Variants in CACUL1 observed in about 807,000 individuals in gnomAD.
CACUL1 encodes CDK2 associated cullin domain 1.
In CACUL1, 13 loss-of-function variants were observed where a neutral mutation model predicts 45.2. The observed-to-expected ratio is 0.29, with a 90% CI of 0.19 to 0.46. The LOEUF (loss-of-function observed/expected upper bound fraction) is 0.46, where lower values mean the gene tolerates loss of function less well. CACUL1 is among the 20% of genes least tolerant of loss of function. CACUL1 has a pLI of 1.00. For synonymous variants in CACUL1, 197 were observed against 174.2 expected, an observed-to-expected ratio of 1.13 and a Z score of -1.03; for missense variants, 421 against 471.4, an observed-to-expected ratio of 0.89 and a Z score of 0.99.
At chr10:118,702,730 T>C (rs1296572649) in intron 4 of CACUL1, among the ~76,000 whole-genome samples, 1 of 151,892 alleles carries the variant, frequency 6.6e-6, no homozygotes, top group African/African-American at 2.4e-5. Context: ...TACAGGCGTA[T>C]ACCACCACAC....
At chr10:118,730,552 A>G (rs911129125) in intron 1 of CACUL1, 142 bp from the exon 2 acceptor site, 16 of 812,338 alleles carry the variant, frequency 2.0e-5, no homozygotes, top group Non-Finnish European at 3.0e-5. Context: ...ATCCTATTTC[A>G]ATTAAAAACA....
chr10:118,736,856 T>C (rs1339869711), intron 1 of CACUL1, among the ~76,000 whole-genome samples: 1 of 152,122 alleles, frequency 6.6e-6, no homozygotes, highest in East Asian at 1.9e-4. Flanking sequence ...TATGTTTAAA[T>C]ACACAAATAC....
At chr10:118,700,716 CAAAAAAAAA>C (rs59032746) in intron 5 of CACUL1, among the ~76,000 whole-genome samples, 83,491 of 133,054 alleles carry the variant, frequency 0.63, 25,007 homozygotes, top group Non-Finnish European at 0.69. Flanking sequence ...GACTCCGTCT[CAAAAAAAAA>C]AAAAAAAAAA....
chr10:118,729,483 T>C lies in CACUL1; in HGVS notation c.495-86A>G, dbSNP rs1003840469. 25 of 866,262 alleles carry C rather than the reference T, an allele frequency of 2.9e-5. No homozygotes were observed. In the African/African-American group the frequency reaches 3.7e-4, roughly 13 times the overall value. The allele number at this position is 866,262 out of a possible 1,614,324, so 53.7% of individuals were successfully genotyped here. A position where few individuals can be genotyped will look rare whatever the true frequency, so the allele number is the denominator to read the frequency against. Reference sequence around the variant, plus strand: ...AAGGTTAAAGCACACTTTTGATATATAACCACTGATCCAATAATTCATACC... The same window carrying C: ...AAGGTTAAAGCACACTTTTGATATACAACCACTGATCCAATAATTCATACC... On this transcript the variant is annotated intron_variant, in intron 2 of 8. Coordinates refer to ENST00000369151, the MANE Select transcript of CACUL1 (RefSeq NM_153810.5).
intron 1 of CACUL1, among the ~76,000 whole-genome samples, chr10:118,736,122 G>A (rs564990892): frequency 2.6e-5 from 4 of 152,110 alleles, no homozygotes; most frequent in Non-Finnish European, 5.9e-5. Flanking sequence ...GCAGCTGAAG[G>A]CCAAGAACAT....
At position 118,691,293 on chromosome 10, in the gene CACUL1, T is replaced by C. The variant is rs746976509; in HGVS notation, c.997A>G (p.Arg333Gly). ...GTAAAACCATTCTGTATAAGTTCTCTTTGAAATTTCTGATCTTGAGCAGCA... is the reference window on the plus strand; with the variant it reads ...GTAAAACCATTCTGTATAAGTTCTCCTTGAAATTTCTGATCTTGAGCAGCA... ...EYAAQDQKFQ[R>G]ELIQNGFTRG... is the part of the protein sequence containing the mutation. Residue 333 changes from arginine to glycine, a missense_variant, in exon 7 of 9, where the codon AGA (arginine) becomes GGA (glycine). Physicochemically the swap from Arg to Gly is moderately radical, Grantham distance 125 (BLOSUM62 -2). Around this residue, in one of 2 missense-constraint regions of CACUL1, gnomAD observed 208 missense variants for 298.4 expected, o/e 0.70. Transcript: ENST00000369151. The C allele has an allele frequency of 1.2e-6, 2 of 1,613,658 alleles. No individual in the cohort carries two copies. The highest frequency in any genetic ancestry group is 3.3e-5 in the Admixed American group (2 of 59,970).
chr10:118,708,147 CAAAAAAAA>C (rs34008762), intron 3 of CACUL1, among the ~76,000 whole-genome samples: 2 of 104,028 alleles, frequency 1.9e-5, no homozygotes. Context: ...AACACTGTCT[CAAAAAAAA>C]AAAAAAAAAA....
chr10:118,730,835 G>A (rs1291916556), intron 1 of CACUL1, among the ~76,000 whole-genome samples: 1 of 152,158 alleles, frequency 6.6e-6, no homozygotes, highest in Non-Finnish European at 1.5e-5. Flanking sequence ...AATCTTTGTA[G>A]ACATCCTCGA....
chr10:118,745,973 C>T (rs2119676830), intron 1 of CACUL1, among the ~76,000 whole-genome samples: 1 of 139,836 alleles, frequency 7.2e-6, no homozygotes, highest in Admixed American at 7.9e-5. Flanking sequence ...CCCATCTCTA[C>T]TAAAAAAAAA....
intron 6 of CACUL1, chr10:118,692,883 G>T (rs1845286047): frequency 6.6e-6 from 1 of 152,160 alleles, no homozygotes; most frequent in Admixed American, 6.5e-5. Context: ...AATGATACAA[G>T]GACCAATCCA....
Position 118,698,886 on chromosome 10 carries a change from T to C in CACUL1, c.796+2420A>G, listed in dbSNP as rs1845349391. The stretch of plus-strand genomic sequence containing the variant: ...ACGGGAAGGAAATTACTGATCAGAT[T>C]GTAGAAAGTTACAGAAATTGAATGT... On this transcript the variant is annotated intron_variant, in intron 5 of 8. Coordinates refer to ENST00000369151, the MANE Select transcript of CACUL1 (RefSeq NM_153810.5). Among the ~76,000 whole-genome samples the C allele has an allele frequency of 4.0e-5, 6 of 150,478 alleles. No individual in the cohort carries two copies. The South Asian group carries it at 1.1e-3, about 27-fold the overall frequency.
In CACUL1 at chr10:118,685,043, C is replaced by T. The variant is rs1456881804; in HGVS notation, c.*1085G>A. 1 of 152,196 alleles carries T rather than the reference C, an allele frequency of 6.6e-6. No individual in the cohort carries two copies. Among genetic ancestry groups the T allele is most frequent in the East Asian group, 1.9e-4 (1 of 5,194 alleles). 9.4% of individuals were successfully genotyped at this position (152,196 alleles called of 1,614,324 possible). On this transcript the variant is annotated 3_prime_UTR_variant, in exon 9 of 9. Coordinates refer to ENST00000369151, the MANE Select transcript of CACUL1 (RefSeq NM_153810.5). The stretch of plus-strand genomic sequence containing the variant: ...TTAGGACAGCAGTGCTACTTCTTCC[C>T]TATCACACTCAAATATAATGTTCAA...
In CACUL1 at chr10:118,680,780, G is replaced by GGTTGCAGAA. The variant is rs1478664821; in HGVS notation, c.*5339_*5347dup. 1 of 152,134 alleles carries GGTTGCAGAA rather than the reference G, an allele frequency of 6.6e-6. No individual in the cohort carries two copies. The highest frequency in any genetic ancestry group is 1.5e-5 in the Non-Finnish European group (1 of 68,022). The allele number at this position is 152,134 out of a possible 1,614,324, so 9.4% of individuals were successfully genotyped here. The stretch of plus-strand genomic sequence containing the variant: ...TTGTTACACACTGTTTTTTAGCACT[G>GGTTGCAGAA]GTTGCAGAAGTCAAGATCAACACTC... On this transcript the variant is annotated 3_prime_UTR_variant, in exon 9 of 9. Transcript: ENST00000369151.
intron 5 of CACUL1, 48 bp from the exon 6 acceptor site, chr10:118,695,278 C>T (rs1198809597): frequency 9.8e-7 from 1 of 1,016,522 alleles, no homozygotes; most frequent in Non-Finnish European, 1.6e-6. Flanking sequence ...TATTGACTGT[C>T]AAGATTTCTC....
chr10:118,688,189 C>G (rs1334140209), intron 7 of CACUL1, among the ~76,000 whole-genome samples: 1 of 152,196 alleles, frequency 6.6e-6, no homozygotes, highest in Non-Finnish European at 1.5e-5. Flanking sequence ...TCTGTAGGCA[C>G]CACATTCAGC....
rs768543177 is a variant in CACUL1, at chr10:118,686,131, T to C, written c.1107A>G (p.Arg369=). The C allele has an allele frequency of 3.7e-6, 6 of 1,611,790 alleles. No homozygotes were observed. In the South Asian group the frequency reaches 5.5e-5, roughly 15 times the overall value. The change falls in exon 9 of 9, where the codon AGA becomes AGG. Residue 369 remains arginine, a synonymous_variant. Coordinates refer to ENST00000369151, the MANE Select transcript of CACUL1 (RefSeq NM_153810.5). ...GAAAGCATATTCAATACATTCACTATCTGTACCCCCTGGAACTTGCACATG... is the reference window on the plus strand; with the variant it reads ...GAAAGCATATTCAATACATTCACTACCTGTACCCCCTGGAACTTGCACATG... ...SSACASSRGY[R]
intron 5 of CACUL1, among the ~76,000 whole-genome samples, chr10:118,698,674 A>C (rs1845347695): frequency 6.6e-6 from 1 of 152,210 alleles, no homozygotes; most frequent in African/African-American, 2.4e-5. Context: ...TCACACTGAA[A>C]GTGCCAGCCC....
At position 118,677,219 on chromosome 10, in the gene CACUL1, A is replaced by C. The variant is rs1034271543; in HGVS notation, c.*8909T>G. On this transcript the variant is annotated 3_prime_UTR_variant, in exon 9 of 9. Coordinates refer to ENST00000369151, the MANE Select transcript of CACUL1 (RefSeq NM_153810.5). ...CATTGACTTATCTGTTTACCCTGGC[A>C]TAAGTCTTTTAATTTAATTGCACTT... is the stretch of plus-strand genomic sequence containing the variant. 4.6e-5 allele frequency: 7 copies of C among 152,004 alleles called. No homozygotes were observed. The East Asian group carries it at 1.2e-3, about 25-fold the overall frequency. 9.4% of individuals were successfully genotyped at this position (152,004 alleles called of 1,614,324 possible).
chr10:118,744,959 C>T (rs1432289435), intron 1 of CACUL1, among the ~76,000 whole-genome samples: 1 of 151,832 alleles, frequency 6.6e-6, no homozygotes, highest in Non-Finnish European at 1.5e-5. Context: ...CGGCTCATTC[C>T]AACTTTTAAA....
Sources: allele counts gnomAD v4.1 joint callset (sites outside exome capture counted in the v4.1 genomes callset), GRCh38; gene constraint gnomAD v4.1.1; regional missense constraint gnomAD v4.1.1; transcripts MANE v1.5; gene names NCBI Gene and HGNC (gene_info 2026-07-23, HGNC 2026-07-21).